The following ECPAS variants were observed in gnomAD, a reference collection of about 807,000 sequenced individuals.
ECPAS encodes Ecm29 proteasome adaptor and scaffold.
A neutral mutation model predicts 255.1 loss-of-function variants in ECPAS; 70 were observed. That is an observed-to-expected ratio of 0.27 (90% CI 0.23 to 0.33). ECPAS has a LOEUF of 0.33. Ranked by LOEUF, ECPAS falls within the 10% of genes least tolerant of loss-of-function variation. The probability of loss-of-function intolerance (pLI) is 1.00; values close to 1 mark genes in which losing one functional copy is unlikely to be tolerated. For missense variants in ECPAS, 1,817 were observed against 2,206.4 expected (o/e 0.82, Z 3.54); for synonymous variants, 784 against 775.0 (o/e 1.01, Z -0.19).
intron 19 of ECPAS, 139 bp downstream of exon 19, chr9:111,414,290 G>T (rs1221648373): frequency 1.4e-6 from 1 of 731,922 alleles, no homozygotes; most frequent in East Asian, 2.7e-5. Context: ...AATGAATCAG[G>T]TAAGTTTAAA....
Position 111,443,412 on chromosome 9 carries a change from A to G in ECPAS, c.270+966T>C, listed in dbSNP as rs1467249964. On this transcript the variant is annotated intron_variant, in intron 4 of 49. Coordinates refer to ENST00000684092, the MANE Select transcript of ECPAS (RefSeq NM_001364929.1). Reference sequence around the variant, plus strand: ...ACTACAGGCACGCGCCACCACGCCCAGCTAATTTTTGTATTTTTAGTAGAG... The same window carrying G: ...ACTACAGGCACGCGCCACCACGCCCGGCTAATTTTTGTATTTTTAGTAGAG... Among the ~76,000 whole-genome samples, 4 of 152,010 alleles carry G rather than the reference A, an allele frequency of 2.6e-5. No homozygotes were observed. The East Asian group carries it at 7.7e-4, about 29-fold the overall frequency.
At position 111,397,023 on chromosome 9, in the gene ECPAS, T is replaced by C. The variant is rs2098168589; in HGVS notation, c.2776+7A>G. Reference sequence around the variant, plus strand: ...CATTATAAATCGATTAGCTGAATATTTGGTACCAGCAGGTGGAGTATATTC... The same window carrying C: ...CATTATAAATCGATTAGCTGAATATCTGGTACCAGCAGGTGGAGTATATTC... On this transcript the variant is annotated splice_region_variant and intron_variant, in intron 25 of 49. Coordinates refer to ENST00000684092, the MANE Select transcript of ECPAS (RefSeq NM_001364929.1). 6.2e-7 allele frequency: 1 copy of C among 1,613,912 alleles called. No individual in the cohort carries two copies. Among genetic ancestry groups the C allele is most frequent in the Non-Finnish European group, 8.5e-7 (1 of 1,179,790 alleles).
Position 111,451,461 on chromosome 9 carries a change from G to A in ECPAS, c.117C>T (p.Leu39=). ...CTCCTTCTTGGGTGCTAGAGAGTTTGAGCAAAACAGGAGGAAGGAATTTAG... is the reference window on the plus strand; with the variant it reads ...CTCCTTCTTGGGTGCTAGAGAGTTTAAGCAAAACAGGAGGAAGGAATTTAG... The part of the protein sequence containing the change: ...IISKFLPPVL[L]KLSSTQEGVR... Residue 39 remains leucine (L), a synonymous_variant, in exon 3 of 50, where the codon CTC becomes CTT. Transcript: ENST00000684092. The A allele has an allele frequency of 2.5e-6, 4 of 1,574,102 alleles. No homozygotes were observed. The South Asian group carries it at 3.5e-5, about 14-fold the overall frequency.
intron 48 of ECPAS, among the ~76,000 whole-genome samples, chr9:111,364,390 G>A (rs143538560): frequency 4.1e-4 from 63 of 152,260 alleles, no homozygotes; most frequent in African/African-American, 1.4e-3. Flanking sequence ...CTGGAATAAC[G>A]AATTAGATTT....
intron 38 of ECPAS, among the ~76,000 whole-genome samples, chr9:111,374,263 G>A (rs976440849): frequency 1.3e-5 from 2 of 152,106 alleles, no homozygotes; most frequent in Admixed American, 6.5e-5. Flanking sequence ...GAAAAAGAAA[G>A]AAAACTGGTA....
intron 2 of ECPAS, among the ~76,000 whole-genome samples, chr9:111,467,226 G>A (rs1159984347): frequency 1.3e-5 from 2 of 151,884 alleles, no homozygotes; most frequent in Non-Finnish European, 2.9e-5. Flanking sequence ...GAAGAGATGA[G>A]AAAAAAGAAG....
intron 32 of ECPAS, 131 bp downstream of exon 32, chr9:111,386,246 G>T (rs1358017244): frequency 1.5e-6 from 1 of 678,460 alleles, no homozygotes; most frequent in Non-Finnish European, 2.6e-6. Context: ...TCACAGGTGT[G>T]AGCCACCACG....
intron 25 of ECPAS, among the ~76,000 whole-genome samples, chr9:111,396,117 A>C (rs947890125): frequency 6.6e-6 from 1 of 152,258 alleles, no homozygotes; most frequent in African/African-American, 2.4e-5. Flanking sequence ...AATTGTTACC[A>C]TGAGAATACT....
rs763583231 is a variant in ECPAS, at chr9:111,384,514, G to A, written c.3681+8C>T. The A allele has an allele frequency of 4.3e-6, 7 of 1,613,100 alleles. No homozygotes were observed. Among genetic ancestry groups the A allele is most frequent in the Non-Finnish European group, 5.9e-6 (7 of 1,179,132 alleles). ...CACTCCATTCCCAATGTAAGACGGG[G>A]TTTTCACCTTGCTCAGAGTTTTCAG... is the stretch of plus-strand genomic sequence containing the variant. On this transcript the variant is annotated splice_region_variant and intron_variant, in intron 34 of 49. Transcript: ENST00000684092.
rs2098232841 is a variant in ECPAS, at chr9:111,433,335, T to C, written c.746A>G (p.Gln249Arg). 8.7e-6 allele frequency: 14 copies of C among 1,613,890 alleles called. No homozygotes were observed. The highest frequency in any genetic ancestry group is 1.1e-5 in the Non-Finnish European group (13 of 1,179,856). ...GAGAACAGCTTCAAGTTCAGGCACC[T>C]GTTCAGCTTCTATGAATTTCACGAT... ...LGIVKFIEAE[Q>R]VPELEAVLHL... Residue 249 changes from glutamine to arginine, a missense_variant, in exon 8 of 50, where the codon CAG becomes CGG. This residue lies in a region of ECPAS where 573 missense variants were observed against 716.2 expected (regional missense o/e 0.80). Coordinates refer to ENST00000684092, the MANE Select transcript of ECPAS (RefSeq NM_001364929.1).
intron 18 of ECPAS, 93 bp from the exon 19 acceptor site, chr9:111,414,744 C>T: frequency 9.1e-7 from 1 of 1,104,232 alleles, no homozygotes; most frequent in Non-Finnish European, 1.3e-6. Flanking sequence ...AGTTTTGATT[C>T]ACCCACACTT....
Position 111,407,003 on chromosome 9 carries a change from T to C in ECPAS, c.2652+1568A>G, listed in dbSNP as rs561346169. On this transcript the variant is annotated intron_variant, in intron 24 of 49. Transcript: ENST00000684092. ...GCTTTTCATTATTCTCATCATTTAA[T>C]CTCTCTACCTTATTTCCATATTTCT... Among the ~76,000 whole-genome samples, 447 of 149,390 alleles carry C rather than the reference T, an allele frequency of 3.0e-3. 12 individuals are homozygous for C. Among genetic ancestry groups the C allele is most frequent in the Non-Finnish European group, 5.1e-3 (347 of 67,938 alleles).
At chr9:111,403,764 C>T (rs2098179778) in intron 24 of ECPAS, among the ~76,000 whole-genome samples, 1 of 149,724 alleles carries the variant, frequency 6.7e-6, no homozygotes, top group Non-Finnish European at 1.5e-5. Context: ...ACAAAATGGA[C>T]CTGACATTTA....
At position 111,378,454 on chromosome 9, in the gene ECPAS, A is replaced by G; in HGVS notation, c.3954+126T>C. The G allele has an allele frequency of 6.3e-6, 6 of 945,972 alleles. No individual in the cohort carries two copies. The South Asian group carries it at 1.4e-4, about 22-fold the overall frequency. The allele number at this position is 945,972 out of a possible 1,614,324, so 58.6% of individuals were successfully genotyped here. A position where few individuals can be genotyped will look rare whatever the true frequency, so the allele number is the denominator to read the frequency against. On this transcript the variant is annotated intron_variant, in intron 36 of 49. Coordinates refer to ENST00000684092, the MANE Select transcript of ECPAS (RefSeq NM_001364929.1). ...CCTCTCTCCAAAAAAACAGTAAAAC[A>G]CTGCATGTGGTGACAGAGGGTGAGT...
chr9:111,470,068 G>A (rs990649786), intron 2 of ECPAS, among the ~76,000 whole-genome samples: 1 of 152,114 alleles, frequency 6.6e-6, no homozygotes, highest in African/African-American at 2.4e-5. Context: ...CCCAAGAGGT[G>A]GCAATGAGTA....
At chr9:111,411,583 C>G (rs1038446732) in intron 21 of ECPAS, 3 of 177,166 alleles carry the variant, frequency 1.7e-5, no homozygotes, top group Non-Finnish European at 3.5e-5. Flanking sequence ...AGGTAACCAA[C>G]AAACTATGTG....
At position 111,433,330 on chromosome 9, in the gene ECPAS, G is replaced by A. The variant is rs2098232833; in HGVS notation, c.751C>T (p.Pro251Ser). 4 of 1,613,818 alleles carry A rather than the reference G, an allele frequency of 2.5e-6. No homozygotes were observed. The highest frequency in any genetic ancestry group is 2.7e-5 in the African/African-American group (2 of 74,928). Reference sequence around the variant, plus strand: ...AAGTGGAGAACAGCTTCAAGTTCAGGCACCTGTTCAGCTTCTATGAATTTC... The same window carrying A: ...AAGTGGAGAACAGCTTCAAGTTCAGACACCTGTTCAGCTTCTATGAATTTC... ...IVKFIEAEQV[P>S]ELEAVLHLVI... The change falls in exon 8 of 50, where the codon CCT becomes TCT. Residue 251 changes from proline (P) to serine (S), a missense_variant. Transcript: ENST00000684092.
In ECPAS at chr9:111,417,918, A is replaced by C; in HGVS notation, c.1648T>G (p.Ser550Ala). ...ATGTAATAAACCATTTCTGGGAAGG[A>C]AGGCATCTGCTCAGAAGTACTTTCT... ...RKESTSEQMP[S>A]FPEMVYYIQE... The change falls in exon 17 of 50, where the codon TCC (serine) becomes GCC (alanine). Residue 550 changes from serine (S) to alanine (A), a missense_variant. Transcript: ENST00000684092. The C allele has an allele frequency of 6.3e-7, 1 of 1,585,862 alleles. No homozygotes were observed. The highest frequency in any genetic ancestry group is 2.3e-5 in the East Asian group (1 of 44,034).
intron 7 of ECPAS, among the ~76,000 whole-genome samples, chr9:111,435,909 C>T (rs1485701652): frequency 6.8e-6 from 1 of 146,566 alleles, no homozygotes; most frequent in Non-Finnish European, 1.5e-5. Context: ...AGGATGGTCT[C>T]GATCTCCTGA....
Sources: gnomAD v4.1 joint callset for allele counts (sites outside exome capture counted in the v4.1 genomes callset) on GRCh38, gnomAD v4.1.1 for gene constraint, gnomAD v4.1.1 regional missense constraint, MANE v1.5 for transcripts, NCBI Gene and HGNC (gene_info 2026-07-23, HGNC 2026-07-21) for gene names.